Variants in TPO observed in about 807,000 individuals in gnomAD.
TPO encodes thyroid microsomal antigen.
In TPO, 78 loss-of-function variants were observed where a neutral mutation model predicts 96.9. The ratio of observed to expected loss-of-function variants is 0.81; its 90% CI spans 0.67 to 0.97. The LOEUF (loss-of-function observed/expected upper bound fraction) is 0.97. TPO is among the 50% of genes least tolerant of loss of function. The pLI is 0.00. For synonymous variants in TPO, 547 were observed against 538.0 expected (o/e 1.02, Z -0.23); for missense variants, 1,252 against 1,274.8 (o/e 0.98, Z 0.27).
chr2:1,533,991 A>C (rs563782773), intron 15 of TPO, among the ~76,000 whole-genome samples: 76 of 36,212 alleles, frequency 2.1e-3, no homozygotes, highest in Admixed American at 2.4e-3. Flanking sequence ...CCAAATCCCC[A>C]TCACTCTGTG....
Position 1,392,957 on chromosome 2 carries a change from G to T in TPO, n.180+18555G>T, listed in dbSNP as rs1009937452. Among the ~76,000 whole-genome samples, 44 of 152,260 alleles carry T rather than the reference G, an allele frequency of 2.9e-4. 1 individual carries two copies. Among genetic ancestry groups the T allele is most frequent in the African/African-American group, 1.0e-3 (43 of 41,562 alleles). On this transcript the variant is annotated intron_variant and non_coding_transcript_variant, in intron 1 of 5. Coordinates refer to the TPO transcript ENST00000497517. ...TGTAATGTTTTACATTCATGAGTGT[G>T]TAAAGAGTCATATAGACTCTTTGTC...
At chr2:1,512,425 C>T in intron 14 of TPO, 2 of 985,490 alleles carry the variant, frequency 2.0e-6, no homozygotes, top group Non-Finnish European at 2.4e-6. Flanking sequence ...GAGAGAGCCC[C>T]TGAGCCCGGC....
chr2:1,418,327 T>C (rs566854768), intron 2 of TPO, among the ~76,000 whole-genome samples: 1 of 149,774 alleles, frequency 6.7e-6, no homozygotes, highest in Non-Finnish European at 1.5e-5. Flanking sequence ...AAGAAAAGCA[T>C]CAGTCCTGGA....
Position 1,477,417 on chromosome 2 carries a change from A to G in TPO, c.1151A>G (p.Glu384Gly). ...GCGCCCGAGCCCGGCATCCCCGGAG[A>G]GACCCGCGGGCCCTGCTTCCTGGCC... The part of the protein sequence containing the change: ...ACAPEPGIPG[E>G]TRGPCFLAGD... The change falls in exon 8 of 17, where the codon GAG (glutamate) becomes GGG (glycine). Residue 384 changes from glutamate (E) to glycine (G), a missense_variant. Transcript: ENST00000329066. The G allele has an allele frequency of 2.0e-6, 3 of 1,524,664 alleles. No individual in the cohort carries two copies. The highest frequency in any genetic ancestry group is 2.6e-6 in the Non-Finnish European group (3 of 1,139,720). 94.4% of individuals were successfully genotyped at this position (1,524,664 alleles called of 1,614,324 possible).
chr2:1,446,604 G>A (rs903075810), intron 5 of TPO, among the ~76,000 whole-genome samples: 6 of 151,960 alleles, frequency 3.9e-5, no homozygotes, highest in Middle Eastern at 3.2e-3. Flanking sequence ...ACTCTTTTTC[G>A]GGATGTGCCA....
At position 1,433,457 on chromosome 2, in the gene TPO, A is replaced by C; in HGVS notation, c.199A>C (p.Ile67Leu). 6.2e-7 allele frequency: 1 copy of C among 1,614,244 alleles called. No homozygotes were observed. The highest frequency in any genetic ancestry group is 8.5e-7 in the Non-Finnish European group (1 of 1,180,044). Residue 67 changes from isoleucine (I) to leucine (L), a missense_variant, in exon 4 of 17, where the codon ATC becomes CTC. Ile to Leu is a conservative substitution (Grantham distance 5). Transcript: ENST00000329066. ...TMQRNLKKRG[I>L]LSPAQLLSFS... ...CCATAGAAACCTCAAGAAAAGAGGA[A>C]TCCTTTCTCCAGCTCAGCTTCTGTC...
At chr2:1,397,785 A>G (rs1662105210) in intron 1 of TPO, among the ~76,000 whole-genome samples, 1 of 151,996 alleles carries the variant, frequency 6.6e-6, no homozygotes, top group South Asian at 2.1e-4. Flanking sequence ...TGCTTTGCCC[A>G]TCAGAGGTGT....
chr2:1,395,493 G>A lies in TPO; in HGVS notation n.180+21091G>A, dbSNP rs562755688. On this transcript the variant is annotated intron_variant and non_coding_transcript_variant, in intron 1 of 5. Coordinates refer to the TPO transcript ENST00000497517. ...ATAAAAAATTGTTAAATAATGCTAC[G>A]TATTTTTTGATAGATTTAAGATATA... Among the ~76,000 whole-genome samples the A allele has an allele frequency of 6.6e-5, 10 of 152,188 alleles. No homozygotes were observed. The East Asian group carries it at 1.2e-3, about 18-fold the overall frequency.
chr2:1,518,482 T>C (rs1674934256), intron 15 of TPO, among the ~76,000 whole-genome samples: 1 of 152,252 alleles, frequency 6.6e-6, no homozygotes, highest in Admixed American at 6.5e-5. Flanking sequence ...CTCTGCATCC[T>C]GTCTCTCTGG....
chr2:1,542,299 T>G (rs577929545), intron 16 of TPO, 122 bp from the exon 17 acceptor site: 9 of 1,336,394 alleles, frequency 6.7e-6, no homozygotes, highest in Non-Finnish European at 8.4e-6. Flanking sequence ...ATGGCTCATC[T>G]CGCCAGCGGT....
chr2:1,463,180 G>C (rs1318347919), intron 7 of TPO, among the ~76,000 whole-genome samples: 2 of 152,182 alleles, frequency 1.3e-5, no homozygotes, highest in African/African-American at 4.8e-5. Flanking sequence ...CAGGGCTCTT[G>C]GTGTCAGGCA....
chr2:1,439,045 CTT>C lies in TPO; in HGVS notation c.482+2663_482+2664del, dbSNP rs1665895971. ...AAATCATGATCACTCAAAAAAAACT[CTT>C]TAAAAAATGTATTGTGCCTAAGTTT... is the stretch of plus-strand genomic sequence containing the variant. On this transcript the variant is annotated intron_variant, in intron 5 of 16. Coordinates refer to ENST00000329066, the MANE Select transcript of TPO (RefSeq NM_001206744.2). 7.3e-6 allele frequency: 4 copies of C among 544,906 alleles called. No homozygotes were observed. The South Asian group carries it at 1.1e-4, about 15-fold the overall frequency. The allele number at this position is 544,906 out of a possible 1,614,324, so 33.8% of individuals were successfully genotyped here. A position where few individuals can be genotyped will look rare whatever the true frequency, so the allele number is the denominator to read the frequency against.
chr2:1,382,782 G>A (rs1280834499), intron 1 of TPO, among the ~76,000 whole-genome samples: 1 of 151,922 alleles, frequency 6.6e-6, no homozygotes, highest in African/African-American at 2.4e-5. Flanking sequence ...CAACGTGCAG[G>A]TTTGTTACAT....
chr2:1,535,487 C>T (rs1260174295), intron 15 of TPO, among the ~76,000 whole-genome samples: 1 of 61,166 alleles, frequency 1.6e-5, no homozygotes, highest in African/African-American at 5.8e-5. Context: ...TCCGTGCAAC[C>T]TCCGCCTATC....
At chr2:1,539,050 A>G (rs535771253) in intron 15 of TPO, among the ~76,000 whole-genome samples, 1 of 152,264 alleles carries the variant, frequency 6.6e-6, no homozygotes, top group South Asian at 2.1e-4. Context: ...ACCCTACCCC[A>G]GTATAGACTC....
rs546519556 is a variant in TPO at position 1,425,296 on chromosome 2, G to A, written c.179+2167G>A. Among the ~76,000 whole-genome samples, 196 of 152,278 alleles carry A rather than the reference G, an allele frequency of 1.3e-3. 1 individual carries two copies. The highest frequency in any genetic ancestry group is 4.4e-3 in the African/African-American group (181 of 41,544). The stretch of plus-strand genomic sequence containing the variant: ...CTGTAAACTCATTGTTCTAGATGCC[G>A]GGATACAGAGATGAGTTAGATCATT... On this transcript the variant is annotated intron_variant, in intron 3 of 16. Transcript: ENST00000329066.
At chr2:1,385,857 A>G (rs1248105816) in intron 1 of TPO, among the ~76,000 whole-genome samples, 6 of 152,126 alleles carry the variant, frequency 3.9e-5, no homozygotes, top group Non-Finnish European at 8.8e-5. Flanking sequence ...ATTTAGTGCT[A>G]TAAATTTCCC....
chr2:1,402,909 G>A (rs2148377026), intron 1 of TPO, among the ~76,000 whole-genome samples: 1 of 152,232 alleles, frequency 6.6e-6, no homozygotes, highest in Admixed American at 6.5e-5. Flanking sequence ...CTCCAGAAAG[G>A]TTCCCATCTG....
intron 1 of TPO, among the ~76,000 whole-genome samples, chr2:1,393,694 A>G (rs546658488): frequency 3.9e-5 from 6 of 152,388 alleles, no homozygotes; most frequent in African/African-American, 1.4e-4. Flanking sequence ...TATACAGGAA[A>G]TAAAAAGAGA....
Sources: allele counts gnomAD v4.1 joint callset (sites outside exome capture counted in the v4.1 genomes callset), GRCh38; gene constraint gnomAD v4.1.1; transcripts MANE v1.5; gene names NCBI Gene and HGNC (gene_info 2026-07-23, HGNC 2026-07-21).